SERHL2: variants seen among roughly 807,000 people sequenced by gnomAD.
The protein encoded by SERHL2 is serine hydrolase-like protein 2.
A neutral mutation model predicts 25.5 loss-of-function variants in SERHL2; 29 were observed. That is an observed-to-expected ratio of 1.14 (90% CI 0.85 to 1.55). The LOEUF is 1.55. SERHL2 is among the 40% of genes most tolerant of loss of function. The probability of loss-of-function intolerance (pLI) is 0.00; values close to 1 mark genes in which losing one functional copy is unlikely to be tolerated. For synonymous variants in SERHL2, 95 were observed against 103.5 expected (o/e 0.92, Z 0.50); for missense variants, 240 against 252.3 (o/e 0.95, Z 0.33).
rs137022 is a variant in SERHL2, at chr22:42,559,421, T to G, written c.534-765T>G. Among the ~76,000 whole-genome samples the G allele has an allele frequency of 1.1e-4, 16 of 149,560 alleles. 1 individual carries two copies. The highest frequency in any genetic ancestry group is 2.1e-4 in the South Asian group (1 of 4,712). On this transcript the variant is annotated intron_variant, in intron 7 of 11. Transcript: ENST00000327678. ...ACCCTGTCTCAATTAGAATACAAGG[T>G]CCAGGCACGGTGGCTCATGCCTGTA...
chr22:42,569,926 G>A (rs75896149), intron 9 of SERHL2: 1 of 151,760 alleles, frequency 6.6e-6, no homozygotes, highest in Non-Finnish European at 1.5e-5. Context: ...TGTAACTTAG[G>A]GGAGCTGGTC....
Position 42,574,032 on chromosome 22 carries a change from C to G in SERHL2, c.922C>G (p.His308Asp). 1 of 1,612,544 alleles carries G rather than the reference C, an allele frequency of 6.2e-7. No homozygotes were observed. Among genetic ancestry groups the G allele is most frequent in the South Asian group, 1.1e-5 (1 of 91,050 alleles). Reference protein sequence around the residue: ...SIISSFLQCTHMLPAQL With the variant: ...SIISSFLQCTDMLPAQL The stretch of plus-strand genomic sequence containing the variant: ...CATCAGCTCCTTCTTACAGTGCACA[C>G]ACATGCTCCCAGCCCAGCTGTAGCT... The change falls in exon 12 of 12, where the codon CAC becomes GAC. Residue 308 changes from histidine (H) to aspartate (D), a missense_variant. His to Asp is a moderately conservative substitution (Grantham distance 81). Transcript: ENST00000327678.
intron 8 of SERHL2, chr22:42,563,616 T>C (rs1309436066): frequency 1.7e-5 from 3 of 180,552 alleles, no homozygotes; most frequent in African/African-American, 7.1e-5. Context: ...GATAATAATT[T>C]GTTTAACTTG....
chr22:42,572,483 A>C lies in SERHL2; in HGVS notation c.779A>C (p.Glu260Ala). 2 of 1,612,054 alleles carry C rather than the reference A, an allele frequency of 1.2e-6. No individual in the cohort carries two copies. Among genetic ancestry groups the C allele is most frequent in the Non-Finnish European group, 1.7e-6 (2 of 1,178,350 alleles). The change falls in exon 11 of 12, where the codon GAG (glutamate) becomes GCG (alanine). Residue 260 changes from glutamate (E) to alanine (A), a missense_variant. Transcript: ENST00000327678. Reference sequence around the variant, plus strand: ...TCAAGACAGAATTACTCTGAGAAGGAGTCCCTGTCGTTCATGATAGACACG... The same window carrying C: ...TCAAGACAGAATTACTCTGAGAAGGCGTCCCTGTCGTTCATGATAGACACG... ...FDSRQNYSEK[E>A]SLSFMIDTMK...
intron 1 of SERHL2, among the ~76,000 whole-genome samples, chr22:42,554,289 C>A (rs1284851750): frequency 1.3e-5 from 2 of 152,024 alleles, no homozygotes; most frequent in East Asian, 1.9e-4. Context: ...GCGTGGGTGT[C>A]GGGGGTGCGC....
intron 10 of SERHL2, 134 bp downstream of exon 10, chr22:42,571,337 T>C: frequency 1.3e-6 from 2 of 1,497,162 alleles, no homozygotes; most frequent in South Asian, 2.6e-5. Context: ...AGATCTTTTT[T>C]GGGAAGCCCC....
intron 8 of SERHL2, among the ~76,000 whole-genome samples, chr22:42,563,197 TTTTTTTTTG>T (rs1410023876): frequency 1.3e-5 from 1 of 76,412 alleles, no homozygotes; most frequent in African/African-American, 1.3e-4. Flanking sequence ...TTTCTTTTTT[TTTTTTTTTG>T]TTGTTGTTGT....
At chr22:42,573,390 C>A (rs1430801772) in intron 11 of SERHL2, 1 of 152,724 alleles carries the variant, frequency 6.5e-6, no homozygotes. Context: ...ACTACAGGCG[C>A]CCGCCACCAC....
At chr22:42,561,892 T>C (rs568873914) in intron 8 of SERHL2, among the ~76,000 whole-genome samples, 6 of 151,726 alleles carry the variant, frequency 4.0e-5, no homozygotes, top group Non-Finnish European at 8.8e-5. Flanking sequence ...GCCTCACGGA[T>C]GGCTGACCTA....
At chr22:42,563,170 C>T (rs1922894547) in intron 8 of SERHL2, among the ~76,000 whole-genome samples, 1 of 149,860 alleles carries the variant, frequency 6.7e-6, no homozygotes, top group African/African-American at 2.5e-5. Context: ...TCTAGCAAGA[C>T]CCTGGCTTTT....
intron 7 of SERHL2, among the ~76,000 whole-genome samples, chr22:42,559,528 T>C (rs1922402536): frequency 6.6e-6 from 1 of 151,672 alleles, no homozygotes; most frequent in Admixed American, 6.6e-5. Flanking sequence ...GGTGAAACCC[T>C]GTGTCTACTA....
chr22:42,571,326 A>T, intron 10 of SERHL2, 123 bp downstream of exon 10: 2 of 1,518,980 alleles, frequency 1.3e-6, no homozygotes, highest in East Asian at 2.5e-5. Flanking sequence ...GCTAAGGCTC[A>T]AGATCTTTTT....
rs761838055 is a variant in SERHL2, at chr22:42,554,041, A to G, written c.21A>G (p.Pro7=). The G allele has an allele frequency of 3.1e-6, 5 of 1,613,560 alleles. No individual in the cohort carries two copies. The South Asian group carries it at 4.4e-5, about 14-fold the overall frequency. The stretch of plus-strand genomic sequence containing the variant: ...GAGCGATGAGTGAGAACGCCGCACC[A>G]GGTCTGACGGGGAGGCCTTGTGCGA... MSENAA[P]GLISELKLAV... The change falls in exon 1 of 12, where the codon CCA becomes CCG. Residue 7 remains proline (P), a splice_region_variant and synonymous_variant. Transcript: ENST00000327678.
chr22:42,560,579 C>T (rs987631561), intron 8 of SERHL2, among the ~76,000 whole-genome samples: 2 of 151,920 alleles, frequency 1.3e-5, no homozygotes, highest in African/African-American at 4.8e-5. Context: ...GGTGGGTGCC[C>T]AGCGCCAGAG....
At chr22:42,571,342 A>AG (rs2146755306) in intron 10 of SERHL2, 139 bp downstream of exon 10, 1 of 1,490,618 alleles carries the variant, frequency 6.7e-7, no homozygotes, top group South Asian at 1.3e-5. Context: ...TTTTTTGGGA[A>AG]GCCCCCCTGG....
At chr22:42,560,452 C>G (rs943229615) in intron 8 of SERHL2, among the ~76,000 whole-genome samples, 187 bp downstream of exon 8, 1 of 151,950 alleles carries the variant, frequency 6.6e-6, no homozygotes, top group Non-Finnish European at 1.5e-5. Context: ...TGCCAAGCAA[C>G]CCGGGTGAGG....
intron 8 of SERHL2, among the ~76,000 whole-genome samples, chr22:42,562,847 G>A (rs561164258): frequency 8.9e-4 from 135 of 152,120 alleles, no homozygotes; most frequent in African/African-American, 3.1e-3. Context: ...CCATGAAGGA[G>A]GGAGGGGCCC....
At chr22:42,563,444 T>C (rs1922954184) in intron 8 of SERHL2, 2 of 442,886 alleles carry the variant, frequency 4.5e-6, no homozygotes, top group Non-Finnish European at 9.1e-6. Flanking sequence ...ACTCAAGCGA[T>C]CCTACTGACT....
chr22:42,571,078 C>T (rs374039640), intron 9 of SERHL2, 43 bp from the exon 10 acceptor site: 8 of 1,612,642 alleles, frequency 5.0e-6, no homozygotes, highest in Non-Finnish European at 8.5e-7. Flanking sequence ...ACGAGAGTGC[C>T]TGTGCCTTGT....
Sources: gnomAD v4.1 joint callset for allele counts (sites outside exome capture counted in the v4.1 genomes callset) on GRCh38, gnomAD v4.1.1 for gene constraint, MANE v1.5 for transcripts, NCBI Gene and HGNC (gene_info 2026-07-23, HGNC 2026-07-21) for gene names.